The following GPC5 variants were observed in gnomAD, a reference collection of about 807,000 sequenced individuals.
GPC5 encodes the protein glypican 5, also known as glypican-5.
GPC5 carries 47 observed loss-of-function variants against 53.9 expected under a neutral mutation model. The observed-to-expected ratio is 0.87, with a 90% CI of 0.69 to 1.11. The LOEUF is 1.11. GPC5 is among the 50% of genes most tolerant of loss of function. The probability of loss-of-function intolerance (pLI) is 0.00; values close to 1 mark genes in which losing one functional copy is unlikely to be tolerated. For missense variants in GPC5, 748 were observed against 713.1 expected (o/e 1.05, Z -0.56); for synonymous variants, 286 against 263.3 (o/e 1.09, Z -0.84).
At chr13:91,541,787 G>A (rs1296490747) in intron 2 of GPC5, among the ~76,000 whole-genome samples, 2 of 151,698 alleles carry the variant, frequency 1.3e-5, no homozygotes, top group African/African-American at 4.8e-5. Context: ...ATCATAAAGA[G>A]TAATATGTTA....
chr13:92,842,083 T>A (rs908544366), intron 7 of GPC5, among the ~76,000 whole-genome samples: 1 of 152,164 alleles, frequency 6.6e-6, no homozygotes, highest in African/African-American at 2.4e-5. Context: ...TCTGCCTAGA[T>A]TATTATTAAT....
chr13:91,602,908 T>TA (rs1217263957), intron 2 of GPC5, among the ~76,000 whole-genome samples: 1 of 152,258 alleles, frequency 6.6e-6, no homozygotes, highest in East Asian at 1.9e-4. Context: ...GGAACTAAGA[T>TA]ACGCCTAGAA....
intron 5 of GPC5, among the ~76,000 whole-genome samples, chr13:91,866,164 G>A (rs902134657): frequency 2.6e-5 from 4 of 151,822 alleles, no homozygotes; most frequent in East Asian, 1.9e-4. Context: ...TACTGTGCTC[G>A]GCCATGAATA....
At chr13:91,578,680 A>G (rs1195593999) in intron 2 of GPC5, among the ~76,000 whole-genome samples, 1 of 151,426 alleles carries the variant, frequency 6.6e-6, no homozygotes, top group African/African-American at 2.4e-5. Flanking sequence ...ATTCATATAT[A>G]TATATATATA....
At position 91,520,664 on chromosome 13, in the gene GPC5, GTATATATGTGTGTA is replaced by G. The variant is rs570468316; in HGVS notation, c.325+71762_325+71775del. Among the ~76,000 whole-genome samples, 14 of 151,804 alleles carry G rather than the reference GTATATATGTGTGTA, an allele frequency of 9.2e-5. No homozygotes were observed. The South Asian group carries it at 1.3e-3, about 14-fold the overall frequency. On this transcript the variant is annotated intron_variant, in intron 2 of 7. Coordinates refer to ENST00000377067, the MANE Select transcript of GPC5 (RefSeq NM_004466.6). ...TATTTCCATATATATATATGTGTGGGTATATATGTGTGTATATATATGTGTGTATATATGTATAT... is the reference window on the plus strand; with the variant it reads ...TATTTCCATATATATATATGTGTGGGTATATATGTGTGTATATATGTATAT...
chr13:92,311,938 A>G (rs1245234279), intron 7 of GPC5, among the ~76,000 whole-genome samples: 2 of 152,166 alleles, frequency 1.3e-5, no homozygotes, highest in Non-Finnish European at 1.5e-5. Context: ...AGCATGTGTG[A>G]AGACCCTCGA....
intron 5 of GPC5, among the ~76,000 whole-genome samples, chr13:91,820,692 G>C (rs1235684000): frequency 6.6e-6 from 1 of 152,136 alleles, no homozygotes; most frequent in Non-Finnish European, 1.5e-5. Flanking sequence ...GGCCGGGCGC[G>C]GTGGCTCACG....
At chr13:92,806,700 G>A (rs1877113562) in intron 7 of GPC5, among the ~76,000 whole-genome samples, 1 of 152,020 alleles carries the variant, frequency 6.6e-6, no homozygotes, top group Non-Finnish European at 1.5e-5. Context: ...GGAATGGCTG[G>A]TTAGTGGAGC....
intron 7 of GPC5, among the ~76,000 whole-genome samples, chr13:92,810,861 C>T (rs1877270894): frequency 6.6e-6 from 1 of 151,894 alleles, no homozygotes; most frequent in African/African-American, 2.4e-5. Context: ...GCTGGGATTA[C>T]AGGCGTCTGC....
intron 1 of GPC5, among the ~76,000 whole-genome samples, chr13:91,421,689 T>C (rs1385584577): frequency 6.6e-6 from 1 of 152,178 alleles, no homozygotes; most frequent in East Asian, 1.9e-4. Context: ...TGGCTGTAAC[T>C]TGTAAAAGAA....
intron 2 of GPC5, among the ~76,000 whole-genome samples, chr13:91,657,699 TA>T (rs993197692): frequency 2.9e-4 from 44 of 151,490 alleles, no homozygotes; most frequent in African/African-American, 9.0e-4. Flanking sequence ...CTAAACCTGA[TA>T]AAAAAAAATC....
intron 4 of GPC5, among the ~76,000 whole-genome samples, chr13:91,736,968 A>T (rs189608276): frequency 0.021 from 3,207 of 150,302 alleles, 115 homozygotes; most frequent in African/African-American, 0.036. Flanking sequence ...TATTATTATT[A>T]TTATTTTTGA....
chr13:92,627,471 C>T (rs1885084432), intron 7 of GPC5, among the ~76,000 whole-genome samples: 1 of 152,146 alleles, frequency 6.6e-6, no homozygotes, highest in Non-Finnish European at 1.5e-5. Context: ...AAATCACATA[C>T]ATGCAGAGTT....
intron 7 of GPC5, among the ~76,000 whole-genome samples, chr13:92,297,281 C>T (rs1218547477): frequency 6.6e-6 from 1 of 151,168 alleles, no homozygotes; most frequent in Non-Finnish European, 1.5e-5. Flanking sequence ...ACCTTTATAT[C>T]TAGCTCAGGG....
chr13:92,065,687 T>G (rs1050474402), intron 6 of GPC5, among the ~76,000 whole-genome samples: 1 of 152,256 alleles, frequency 6.6e-6, no homozygotes, highest in South Asian at 2.1e-4. Flanking sequence ...GAAAAATCAT[T>G]TAAGCAAAAA....
At chr13:92,109,073 T>TG (rs2041534767) in intron 6 of GPC5, among the ~76,000 whole-genome samples, 1 of 145,790 alleles carries the variant, frequency 6.9e-6, no homozygotes, top group Non-Finnish European at 1.5e-5. Context: ...TTTTTTTTTT[T>TG]TTTTTTTTTT....
At chr13:92,032,225 T>C (rs1201480128) in intron 6 of GPC5, among the ~76,000 whole-genome samples, 1 of 150,496 alleles carries the variant, frequency 6.6e-6, no homozygotes. Flanking sequence ...AAGTGGGAGC[T>C]AAGCTATGAG....
At chr13:92,214,773 C>G (rs1281212962) in intron 7 of GPC5, among the ~76,000 whole-genome samples, 1 of 152,122 alleles carries the variant, frequency 6.6e-6, no homozygotes, top group Non-Finnish European at 1.5e-5. Context: ...AATCAGCTGC[C>G]CTTGAGATTA....
chr13:91,558,460 T>C (rs1401440069), intron 2 of GPC5, among the ~76,000 whole-genome samples: 2 of 152,112 alleles, frequency 1.3e-5, no homozygotes, highest in Admixed American at 6.5e-5. Context: ...ATGTAAATAT[T>C]TGTCACTTAC....
Sources: gnomAD v4.1 joint callset for allele counts (sites outside exome capture counted in the v4.1 genomes callset) on GRCh38, gnomAD v4.1.1 for gene constraint, MANE v1.5 for transcripts, NCBI Gene and HGNC (gene_info 2026-07-23, HGNC 2026-07-21) for gene names.